The following MTMR8 variants were observed in gnomAD, a reference collection of about 807,000 sequenced individuals.
MTMR8 encodes the protein myotubularin related protein 8.
Under a neutral mutation model 39.3 loss-of-function variants are expected in MTMR8, and 65 were observed. That is an observed-to-expected ratio of 1.65 (90% CI 1.35 to 2.03). The LOEUF is 2.03. MTMR8 is among the 30% of genes most tolerant of loss of function. The pLI is 0.00. For missense variants in MTMR8, 777 were observed against 538.9 expected (o/e 1.44, Z -4.37); for synonymous variants, 245 against 185.2 (o/e 1.32, Z -2.62).
chrX:64,360,635 C>T (rs1923755092), intron 1 of MTMR8, among the ~76,000 whole-genome samples: 1 of 110,911 alleles, frequency 9.0e-6, no homozygotes, highest in Non-Finnish European at 1.9e-5. Flanking sequence ...AAATTAATAA[C>T]AAAATAATAG....
At chrX:64,380,482 G>T (rs1446107890) in intron 1 of MTMR8, among the ~76,000 whole-genome samples, 1 of 112,494 alleles carries the variant, frequency 8.9e-6, no homozygotes, top group Non-Finnish European at 1.9e-5. Flanking sequence ...AGCTCCATGG[G>T]TGATTCCATT....
chrX:64,292,595 G>A (rs1921437679), intron 12 of MTMR8, among the ~76,000 whole-genome samples: 1 of 110,572 alleles, frequency 9.0e-6, no homozygotes, highest in African/African-American at 3.3e-5. Context: ...TTTACCCTCT[G>A]CTTTGCCAGT....
intron 12 of MTMR8, among the ~76,000 whole-genome samples, chrX:64,304,860 T>TTATATATATATATA (rs751399962): frequency 1.7e-4 from 5 of 28,582 alleles, no homozygotes; most frequent in Admixed American, 7.9e-4. Flanking sequence ...GATCAAACAT[T>TTATATATATATATA]TATATATATA....
chrX:64,287,594 C>A (rs982110588), intron 12 of MTMR8, among the ~76,000 whole-genome samples: 7 of 110,968 alleles, frequency 6.3e-5, no homozygotes, highest in African/African-American at 2.3e-4. Context: ...ACCAAAACAG[C>A]ATGGTACTGC....
At chrX:64,291,453 C>T (rs1238723719) in intron 12 of MTMR8, among the ~76,000 whole-genome samples, 1 of 110,879 alleles carries the variant, frequency 9.0e-6, no homozygotes, top group Non-Finnish European at 1.9e-5. Context: ...AGTTTCCTTG[C>T]CTTCCTCCCC....
chrX:64,283,800 C>T (rs546343177), intron 12 of MTMR8, among the ~76,000 whole-genome samples: 17 of 112,396 alleles, frequency 1.5e-4, no homozygotes, highest in African/African-American at 5.2e-4. Context: ...ACAGAAAGGA[C>T]ATCCACAACA....
At position 64,269,053 on chromosome X, in the gene MTMR8, G is replaced by C. The variant is rs1161959711; in HGVS notation, c.1609-10C>G. ...CACGGACTTTTAGTTTCTGCCTCAGGAGCAAGAAAGGGTTGAGAAGAATTA... is the reference window on the plus strand; with the variant it reads ...CACGGACTTTTAGTTTCTGCCTCAGCAGCAAGAAAGGGTTGAGAAGAATTA... On this transcript the variant is annotated splice_polypyrimidine_tract_variant and intron_variant, in intron 13 of 13. Coordinates refer to ENST00000374852, the MANE Select transcript of MTMR8 (RefSeq NM_017677.4). The C allele has an allele frequency of 8.3e-7, 1 of 1,202,728 alleles. No homozygotes were observed. Among genetic ancestry groups the C allele is most frequent in the East Asian group, 3.0e-5 (1 of 33,757 alleles).
intron 12 of MTMR8, among the ~76,000 whole-genome samples, chrX:64,316,881 A>C (rs965913168): frequency 2.5e-4 from 27 of 109,506 alleles, no homozygotes; most frequent in Admixed American, 9.8e-5. Context: ...GAGGTCAAGG[A>C]AGGTGGATCA....
intron 1 of MTMR8, among the ~76,000 whole-genome samples, chrX:64,362,134 C>A (rs1434917130): frequency 2.7e-5 from 3 of 109,157 alleles, no homozygotes; most frequent in Non-Finnish European, 5.7e-5. Context: ...ATACACAAGA[C>A]CTTTACAGAG....
intron 12 of MTMR8, among the ~76,000 whole-genome samples, chrX:64,286,186 T>C (rs1921167463): frequency 8.9e-6 from 1 of 112,100 alleles, no homozygotes; most frequent in South Asian, 3.7e-4. Context: ...CATCAGAGAA[T>C]ACTATAAACA....
At chrX:64,311,206 G>C (rs1371883454) in intron 12 of MTMR8, among the ~76,000 whole-genome samples, 1 of 111,842 alleles carries the variant, frequency 8.9e-6, no homozygotes, top group East Asian at 2.8e-4. Flanking sequence ...ATTGGTGTGA[G>C]ATGGTATCTC....
chrX:64,281,616 A>G (rs920615802), intron 12 of MTMR8, among the ~76,000 whole-genome samples: 1 of 112,134 alleles, frequency 8.9e-6, no homozygotes, highest in Non-Finnish European at 1.9e-5. Flanking sequence ...AAATCTAGGC[A>G]ATACCATTCA....
chrX:64,319,672 A>G (rs1922574981), intron 12 of MTMR8, among the ~76,000 whole-genome samples: 2 of 111,665 alleles, frequency 1.8e-5, no homozygotes, highest in Admixed American at 1.9e-4. Context: ...TCCTTTCCCC[A>G]TTGCTTTTTT....
chrX:64,376,935 TG>T (rs1275260220), intron 1 of MTMR8, among the ~76,000 whole-genome samples: 12 of 111,296 alleles, frequency 1.1e-4, no homozygotes, highest in Admixed American at 4.7e-4. Context: ...GACACTGCTG[TG>T]TCCCAGCCAC....
chrX:64,310,986 C>A (rs1235437182), intron 12 of MTMR8, among the ~76,000 whole-genome samples: 1 of 111,741 alleles, frequency 8.9e-6, no homozygotes, highest in African/African-American at 3.3e-5. Flanking sequence ...TTTATAGTAG[C>A]ATGATTTATA....
At chrX:64,271,642 C>T (rs1024846872) in intron 12 of MTMR8, among the ~76,000 whole-genome samples, 24 of 112,524 alleles carry the variant, frequency 2.1e-4, no homozygotes, top group African/African-American at 6.8e-4. Flanking sequence ...ACCCCCATTC[C>T]CAGCTTCTAT....
At chrX:64,284,591 A>G (rs1276833631) in intron 12 of MTMR8, among the ~76,000 whole-genome samples, 2 of 112,085 alleles carry the variant, frequency 1.8e-5, no homozygotes, top group African/African-American at 6.5e-5. Flanking sequence ...CACATTACCC[A>G]CAAAGGGAAC....
chrX:64,328,665 C>T (rs1373265687), intron 12 of MTMR8, 107 bp downstream of exon 12: 1 of 780,078 alleles, frequency 1.3e-6, no homozygotes, highest in Non-Finnish European at 1.7e-6. Flanking sequence ...GAGTATCCTA[C>T]TCCATAGCCA....
intron 1 of MTMR8, among the ~76,000 whole-genome samples, chrX:64,367,186 A>T (rs1176285986): frequency 8.9e-6 from 1 of 112,054 alleles, no homozygotes; most frequent in African/African-American, 3.2e-5. Flanking sequence ...AGGTAAAAAG[A>T]GGAGCTGGCA....
Sources: allele counts gnomAD v4.1 joint callset (sites outside exome capture counted in the v4.1 genomes callset), GRCh38; gene constraint gnomAD v4.1.1; transcripts MANE v1.5; gene names NCBI Gene and HGNC (gene_info 2026-07-23, HGNC 2026-07-21).